The following CACNA2D1 variants were observed in gnomAD, a reference collection of about 807,000 sequenced individuals.
The protein encoded by CACNA2D1 is voltage-dependent calcium channel subunit alpha-2/delta-1.
CACNA2D1 carries 53 observed loss-of-function variants against 171.5 expected under a neutral mutation model. The ratio of observed to expected loss-of-function variants is 0.31; its 90% CI spans 0.25 to 0.39. The LOEUF is 0.39. Ranked by LOEUF, CACNA2D1 falls within the 10% of genes least tolerant of loss-of-function variation. The probability of loss-of-function intolerance (pLI) is 1.00; values close to 1 mark genes in which losing one functional copy is unlikely to be tolerated. For missense variants in CACNA2D1, 903 were observed against 1,299.8 expected (o/e 0.69, Z 4.69); for synonymous variants, 442 against 443.1 (o/e 1.00, Z 0.03).
chr7:82,213,061 T>A (rs1386153213), intron 3 of CACNA2D1, among the ~76,000 whole-genome samples: 1 of 151,914 alleles, frequency 6.6e-6, no homozygotes, highest in African/African-American at 2.4e-5. Context: ...CACCACGCCC[T>A]GCTAATTTTT....
At chr7:82,388,374 T>C (rs1267176295) in intron 1 of CACNA2D1, among the ~76,000 whole-genome samples, 1 of 152,234 alleles carries the variant, frequency 6.6e-6, no homozygotes, top group African/African-American at 2.4e-5. Context: ...AAAATCCAGA[T>C]GTTTTGACCA....
At chr7:81,969,814 A>G (rs1009354187) in intron 28 of CACNA2D1, 67 bp downstream of exon 28, 16 of 838,492 alleles carry the variant, frequency 1.9e-5, no homozygotes, top group Non-Finnish European at 3.3e-5. Context: ...TTGGGGGGAG[A>G]GCAGATAGTA....
At chr7:82,006,885 C>A (rs1799174414) in intron 16 of CACNA2D1, among the ~76,000 whole-genome samples, 1 of 152,044 alleles carries the variant, frequency 6.6e-6, no homozygotes, top group South Asian at 2.1e-4. Flanking sequence ...TGCTTAAGTG[C>A]AGCAGACGTC....
rs189668136 is a variant in CACNA2D1 at position 82,058,900 on chromosome 7, T to C, written c.879+1528A>G. Among the ~76,000 whole-genome samples, 5 of 152,282 alleles carry C rather than the reference T, an allele frequency of 3.3e-5. No individual in the cohort carries two copies. In the East Asian group the frequency reaches 9.7e-4, roughly 29 times the overall value. On this transcript the variant is annotated intron_variant, in intron 10 of 38. Coordinates refer to ENST00000356860, the MANE Select transcript of CACNA2D1 (RefSeq NM_000722.4). ...TGTGAGAGTGTTTTGCCAGGAACCT[T>C]GCCTTATAGGTATCGTGTTTTCCTA...
chr7:82,229,820 A>G (rs1802729098), intron 3 of CACNA2D1, among the ~76,000 whole-genome samples: 1 of 151,956 alleles, frequency 6.6e-6, no homozygotes, highest in Non-Finnish European at 1.5e-5. Context: ...ATGAGCCACC[A>G]TGACCAGCCT....
chr7:82,046,168 C>G (rs1804531339), intron 10 of CACNA2D1, among the ~76,000 whole-genome samples: 2 of 152,162 alleles, frequency 1.3e-5, no homozygotes, highest in African/African-American at 2.4e-5. Flanking sequence ...ATCTCTCACA[C>G]TCTTTTCTCT....
chr7:82,303,438 ACTGTGTATGTAAC>A (rs1813301507), intron 3 of CACNA2D1, among the ~76,000 whole-genome samples: 1 of 150,538 alleles, frequency 6.6e-6, no homozygotes. Context: ...AAAATTCTAA[ACTGTGTATGTAAC>A]TAAAAAAAAA....
At chr7:82,332,849 A>G (rs1469405901) in intron 3 of CACNA2D1, among the ~76,000 whole-genome samples, 6 of 152,162 alleles carry the variant, frequency 3.9e-5, no homozygotes, top group Non-Finnish European at 8.8e-5. Context: ...AAAATTAAAA[A>G]ATAGCCAAGT....
intron 4 of CACNA2D1, among the ~76,000 whole-genome samples, chr7:82,155,026 TG>T (rs1794237362): frequency 6.6e-6 from 1 of 152,010 alleles, no homozygotes; most frequent in African/African-American, 2.4e-5. Flanking sequence ...TCAGGAGAAC[TG>T]GTTGTGTAAA....
At chr7:82,241,619 T>C (rs564147103) in intron 3 of CACNA2D1, among the ~76,000 whole-genome samples, 2 of 151,992 alleles carry the variant, frequency 1.3e-5, no homozygotes, top group East Asian at 1.9e-4. Context: ...CTCCTAATTA[T>C]TCTAGAGTGC....
chr7:82,098,169 A>G (rs1812158883), intron 6 of CACNA2D1, among the ~76,000 whole-genome samples: 1 of 152,064 alleles, frequency 6.6e-6, no homozygotes, highest in African/African-American at 2.4e-5. Context: ...AGAAATAGGA[A>G]TCAGATAGAA....
intron 38 of CACNA2D1, among the ~76,000 whole-genome samples, chr7:81,958,916 A>C (rs1472870118): frequency 6.6e-6 from 1 of 152,004 alleles, no homozygotes; most frequent in Non-Finnish European, 1.5e-5. Context: ...AATTCACTGA[A>C]GACAAATATA....
At chr7:82,141,436 C>A (rs1390162676) in intron 4 of CACNA2D1, among the ~76,000 whole-genome samples, 1 of 152,042 alleles carries the variant, frequency 6.6e-6, no homozygotes, top group Non-Finnish European at 1.5e-5. Context: ...AGGAAAAAGT[C>A]TCAGCTGAAT....
At chr7:82,132,818 T>C (rs901810744) in intron 5 of CACNA2D1, among the ~76,000 whole-genome samples, 4 of 152,230 alleles carry the variant, frequency 2.6e-5, no homozygotes, top group Admixed American at 2.6e-4. Flanking sequence ...ACATAATTTG[T>C]TTTGATTCAA....
chr7:82,390,698 T>C (rs75674106), intron 1 of CACNA2D1, among the ~76,000 whole-genome samples: 2,167 of 152,194 alleles, frequency 0.014, 59 homozygotes, highest in African/African-American at 0.05. Context: ...TGTGATATAT[T>C]TTTTCCTTGC....
At chr7:82,168,696 ATAGT>A (rs1461462892) in intron 4 of CACNA2D1, among the ~76,000 whole-genome samples, 1 of 134,056 alleles carries the variant, frequency 7.5e-6, no homozygotes, top group Non-Finnish European at 1.7e-5. Context: ...TTAATAAATA[ATAGT>A]TAAATGAAAC....
intron 7 of CACNA2D1, among the ~76,000 whole-genome samples, chr7:82,081,784 G>A (rs948151136): frequency 2.0e-5 from 3 of 152,204 alleles, no homozygotes; most frequent in African/African-American, 7.2e-5. Flanking sequence ...GTGCCTGCTG[G>A]TCAGCACCCG....
intron 4 of CACNA2D1, among the ~76,000 whole-genome samples, chr7:82,154,137 G>A (rs1017417354): frequency 5.9e-5 from 9 of 152,126 alleles, no homozygotes; most frequent in African/African-American, 2.2e-4. Flanking sequence ...CATAATGTGT[G>A]TAGTTCTCAA....
At chr7:82,091,291 A>G (rs1483964578) in intron 6 of CACNA2D1, among the ~76,000 whole-genome samples, 2 of 152,198 alleles carry the variant, frequency 1.3e-5, no homozygotes, top group Admixed American at 1.3e-4. Context: ...GGGAGAGCAG[A>G]AGGCTCCAAG....
Sources: allele counts gnomAD v4.1 joint callset (sites outside exome capture counted in the v4.1 genomes callset), GRCh38; gene constraint gnomAD v4.1.1; transcripts MANE v1.5; gene names NCBI Gene and HGNC (gene_info 2026-07-23, HGNC 2026-07-21).